Variants in KAT6A observed in about 807,000 individuals in gnomAD.
KAT6A encodes the protein lysine acetyltransferase 6A, also known as histone acetyltransferase KAT6A.
A neutral mutation model predicts 198.4 loss-of-function variants in KAT6A; 9 were observed. That is an observed-to-expected ratio of 0.05 (90% CI 0.03 to 0.08). KAT6A has a LOEUF of 0.08. KAT6A is among the 10% of genes least tolerant of loss of function. KAT6A has a pLI of 1.00. For synonymous variants in KAT6A, 890 were observed against 883.0 expected (o/e 1.01, Z -0.14); for missense variants, 2,077 against 2,509.9 (o/e 0.83, Z 3.69).
At chr8:41,962,464 C>T (rs1439906500) in intron 8 of KAT6A, among the ~76,000 whole-genome samples, 2 of 152,146 alleles carry the variant, frequency 1.3e-5, no homozygotes, top group Non-Finnish European at 2.9e-5. Flanking sequence ...TTTCACAATG[C>T]ATCAACATAT....
intron 2 of KAT6A, among the ~76,000 whole-genome samples, chr8:42,016,474 G>A (rs1032914741): frequency 1.3e-5 from 2 of 152,038 alleles, no homozygotes; most frequent in South Asian, 2.1e-4. Context: ...TATATCCAAG[G>A]ATATTTGTAT....
intron 1 of KAT6A, among the ~76,000 whole-genome samples, chr8:42,051,588 A>G (rs1399957669): frequency 7.0e-6 from 1 of 141,990 alleles, no homozygotes; most frequent in Non-Finnish European, 1.5e-5. Flanking sequence ...CGGCTCCCCC[A>G]GGGCGGGCCC....
chr8:41,999,704 T>C (rs1176415358), intron 2 of KAT6A, among the ~76,000 whole-genome samples: 3 of 152,248 alleles, frequency 2.0e-5, no homozygotes, highest in East Asian at 1.9e-4. Flanking sequence ...AATCATACTT[T>C]ACGCTCATTC....
At position 41,977,100 on chromosome 8, in the gene KAT6A, C is replaced by T. The variant is rs746703622; in HGVS notation, c.1271G>A (p.Arg424Gln). 6.2e-7 allele frequency: 1 copy of T among 1,614,138 alleles called. No homozygotes were observed. Among genetic ancestry groups the T allele is most frequent in the Non-Finnish European group, 8.5e-7 (1 of 1,180,010 alleles). ...TKFFTPSPDG[R>Q]KARGEVVDYS... Reference sequence around the variant, plus strand: ...GTCCACCACTTCCCCCCGAGCTTTCCGCCCATCAGGGGAAGGGGTAAAAAA... The same window carrying T: ...GTCCACCACTTCCCCCCGAGCTTTCTGCCCATCAGGGGAAGGGGTAAAAAA... The change falls in exon 7 of 17, where the codon CGG becomes CAG. Residue 424 changes from arginine to glutamine, a missense_variant. By Grantham distance (43) the Arg-to-Gln change is conservative. Coordinates refer to ENST00000265713, the MANE Select transcript of KAT6A (RefSeq NM_006766.5).
At chr8:41,979,726 C>T (rs1348072641) in intron 5 of KAT6A, among the ~76,000 whole-genome samples, 3 of 152,100 alleles carry the variant, frequency 2.0e-5, no homozygotes, top group South Asian at 2.1e-4. Context: ...TCAGGCTGGG[C>T]GCGGTGGCTC....
In KAT6A at chr8:42,016,539, A is replaced by T. The variant is rs964985722; in HGVS notation, c.601-28976T>A. ...CACAAAACACTTAACATGTCCACAT[A>T]AACATAAAACAGGTTGAGAGATTAA... On this transcript the variant is annotated intron_variant, in intron 2 of 16. Transcript: ENST00000265713. Among the ~76,000 whole-genome samples the T allele has an allele frequency of 2.6e-5, 4 of 152,348 alleles. No homozygotes were observed. The East Asian group carries it at 7.7e-4, about 29-fold the overall frequency.
rs1821716030 is a variant in KAT6A at position 41,934,081 on chromosome 8, T to C, written c.4139A>G (p.His1380Arg). 1.2e-6 allele frequency: 2 copies of C among 1,614,184 alleles called. No homozygotes were observed. Among genetic ancestry groups the C allele is most frequent in the African/African-American group, 1.3e-5 (1 of 75,058 alleles). The stretch of plus-strand genomic sequence containing the variant: ...CTGCTCTGACACCACGGACGTGTCA[T>C]GGGAAGGCTGCTCCTCTTCGGAATC... ...ELDSEEEQPS[H>R]DTSVVSEQMA... Residue 1380 changes from histidine to arginine, a missense_variant, in exon 17 of 17, where the codon CAT becomes CGT. Coordinates refer to ENST00000265713, the MANE Select transcript of KAT6A (RefSeq NM_006766.5).
rs1823969165 is a variant in KAT6A, at chr8:41,974,827, A to AT, written c.1364-6dup. On this transcript the variant is annotated splice_region_variant and splice_polypyrimidine_tract_variant and intron_variant, in intron 7 of 16. Coordinates refer to ENST00000265713, the MANE Select transcript of KAT6A (RefSeq NM_006766.5). ...CATCCCAGCCATCCTGATTGTCTACATATAAAAAAAGAGCTCACATGTTAA... is the reference window on the plus strand; with the variant it reads ...CATCCCAGCCATCCTGATTGTCTACATTATAAAAAAAGAGCTCACATGTTAA... The AT allele has an allele frequency of 6.3e-7, 1 of 1,590,454 alleles. No individual in the cohort carries two copies. Among genetic ancestry groups the AT allele is most frequent in the African/African-American group, 1.3e-5 (1 of 74,132 alleles).
intron 8 of KAT6A, among the ~76,000 whole-genome samples, chr8:41,969,130 G>A (rs1209092853): frequency 6.6e-6 from 1 of 152,122 alleles, no homozygotes; most frequent in African/African-American, 2.4e-5. Flanking sequence ...TAAACAATGT[G>A]TTATTAGTTG....
rs752829442 is a variant in KAT6A, at chr8:41,933,973, G to A, written c.4247C>T (p.Pro1416Leu). Residue 1416 changes from proline to leucine, a missense_variant, in exon 17 of 17, where the codon CCT becomes CTT. Pro to Leu is a moderately conservative substitution (Grantham distance 98). Transcript: ENST00000265713. The surrounding 1 kb of genome is among the most constrained non-coding windows in gnomAD (Gnocchi z 6.2). ...AGTTTCCAGATCCAGCTCACTATGA[G>A]GAATCTCTTCCTCCTCTTTTAATTC... is the stretch of plus-strand genomic sequence containing the variant. ...LIELKEEEEI[P>L]HSELDLETVQ... is the part of the protein sequence containing the mutation. 6.2e-7 allele frequency: 1 copy of A among 1,614,028 alleles called. No homozygotes were observed. The highest frequency in any genetic ancestry group is 1.1e-5 in the South Asian group (1 of 91,076).
chr8:41,988,716 C>T (rs188655268), intron 2 of KAT6A, among the ~76,000 whole-genome samples: 1 of 152,154 alleles, frequency 6.6e-6, no homozygotes, highest in Non-Finnish European at 1.5e-5. Context: ...ACTAAGTGAA[C>T]TGAAAAGATG....
chr8:41,977,604 C>A, intron 6 of KAT6A: 1 of 297,170 alleles, frequency 3.4e-6, no homozygotes, highest in Non-Finnish European at 6.2e-6. Context: ...AGCTGTACGA[C>A]TTGGACAAAT....
At chr8:41,982,963 A>G (rs994862128) in intron 3 of KAT6A, among the ~76,000 whole-genome samples, 1 of 152,180 alleles carries the variant, frequency 6.6e-6, no homozygotes, top group African/African-American at 2.4e-5. Flanking sequence ...ACCTCCAAGA[A>G]TAAGGGGGAC....
At chr8:41,995,478 G>A (rs1332564318) in intron 2 of KAT6A, among the ~76,000 whole-genome samples, 1 of 152,034 alleles carries the variant, frequency 6.6e-6, no homozygotes, top group African/African-American at 2.4e-5. Context: ...TGGATGATTC[G>A]GTAACAAGCA....
At chr8:41,985,241 T>C (rs1204354937) in intron 3 of KAT6A, among the ~76,000 whole-genome samples, 3 of 152,214 alleles carry the variant, frequency 2.0e-5, no homozygotes, top group African/African-American at 7.2e-5. Flanking sequence ...TAATCTTTCA[T>C]GATTTACGGT....
chr8:41,968,151 G>A (rs886532413), intron 8 of KAT6A, among the ~76,000 whole-genome samples: 22 of 152,156 alleles, frequency 1.4e-4, no homozygotes, highest in African/African-American at 5.3e-4. Flanking sequence ...AAGAGCTTCT[G>A]CACAGCAAAA....
intron 2 of KAT6A, among the ~76,000 whole-genome samples, chr8:42,019,833 GA>G (rs947341945): frequency 6.6e-6 from 1 of 152,098 alleles, no homozygotes; most frequent in Non-Finnish European, 1.5e-5. Flanking sequence ...TAATAGAAGG[GA>G]AAAATGGGCA....
chr8:41,956,197 G>T lies in KAT6A; in HGVS notation c.1483-786C>A, dbSNP rs1320219180. Among the ~76,000 whole-genome samples the T allele has an allele frequency of 2.6e-5, 4 of 152,194 alleles. No individual in the cohort carries two copies. The East Asian group carries it at 5.8e-4, about 22-fold the overall frequency. ...AAGTACGTAGCTCAAGAAAATAAAG[G>T]CTGTTAAGGGTCTTAACATGTTAAC... On this transcript the variant is annotated intron_variant, in intron 8 of 16. Coordinates refer to ENST00000265713, the MANE Select transcript of KAT6A (RefSeq NM_006766.5).
intron 2 of KAT6A, among the ~76,000 whole-genome samples, chr8:42,021,071 C>T (rs1481380290): frequency 6.6e-6 from 1 of 152,000 alleles, no homozygotes; most frequent in Non-Finnish European, 1.5e-5. Context: ...GAGAGATATA[C>T]TGTTACTTCC....
Sources: allele counts gnomAD v4.1 joint callset (sites outside exome capture counted in the v4.1 genomes callset), GRCh38; gene constraint gnomAD v4.1.1; non-coding constraint Gnocchi (gnomAD v3.1); transcripts MANE v1.5; gene names NCBI Gene and HGNC (gene_info 2026-07-23, HGNC 2026-07-21).